The following ROBO2 variants were observed in gnomAD, a reference collection of about 807,000 sequenced individuals.
ROBO2 encodes roundabout guidance receptor 2.
ROBO2 carries 53 observed loss-of-function variants against 160.8 expected under a neutral mutation model. The ratio of observed to expected loss-of-function variants is 0.33; its 90% CI spans 0.26 to 0.41. The LOEUF is 0.41. Ranked by LOEUF, ROBO2 falls within the 10% of genes least tolerant of loss-of-function variation. The pLI is 1.00. For missense variants in ROBO2, 1,577 were observed against 1,722.4 expected, an observed-to-expected ratio of 0.92 and a Z score of 1.49; for synonymous variants, 664 against 611.7, an observed-to-expected ratio of 1.09 and a Z score of -1.26.
intron 2 of ROBO2, among the ~76,000 whole-genome samples, chr3:76,898,841 A>G (rs895144493): frequency 1.3e-5 from 2 of 152,164 alleles, no homozygotes; most frequent in Non-Finnish European, 1.5e-5. Flanking sequence ...TTAAAAATAT[A>G]TGTTCTATTA....
chr3:76,855,747 T>C (rs1265396104), intron 2 of ROBO2, among the ~76,000 whole-genome samples: 1 of 152,202 alleles, frequency 6.6e-6, no homozygotes, highest in African/African-American at 2.4e-5. Flanking sequence ...GAATAAGAAA[T>C]GCTTTGTTTC....
chr3:77,517,386 A>T (rs2090135713), intron 5 of ROBO2, among the ~76,000 whole-genome samples: 1 of 151,554 alleles, frequency 6.6e-6, no homozygotes, highest in African/African-American at 2.4e-5. Flanking sequence ...TGACTGGAAA[A>T]TAGTGAACAT....
chr3:77,591,628 G>A (rs1257919813), intron 17 of ROBO2, among the ~76,000 whole-genome samples: 1 of 152,152 alleles, frequency 6.6e-6, no homozygotes, highest in East Asian at 1.9e-4. Context: ...GTTAGTGTAA[G>A]CTAAAATATT....
intron 2 of ROBO2, among the ~76,000 whole-genome samples, chr3:76,511,126 A>G (rs1027247972): frequency 4.6e-5 from 7 of 152,200 alleles, no homozygotes; most frequent in African/African-American, 1.4e-4. Flanking sequence ...CCCCCGAAAG[A>G]CACTGAATGC....
chr3:76,322,208 T>TATATATATATATAC (rs1262581750), intron 2 of ROBO2, among the ~76,000 whole-genome samples: 2 of 128,250 alleles, frequency 1.6e-5, no homozygotes, highest in African/African-American at 3.1e-5. Context: ...ATATATAATA[T>TATATATATATATAC]ACACACACAT....
intron 2 of ROBO2, among the ~76,000 whole-genome samples, chr3:77,256,446 CATT>C (rs2058420780): frequency 6.6e-6 from 1 of 152,096 alleles, no homozygotes; most frequent in East Asian, 1.9e-4. Context: ...ACATTAACAT[CATT>C]AAGAATAAAT....
intron 2 of ROBO2, among the ~76,000 whole-genome samples, chr3:77,369,277 A>C (rs1308196557): frequency 6.6e-6 from 1 of 152,120 alleles, no homozygotes; most frequent in African/African-American, 2.4e-5. Flanking sequence ...AATTTAATGA[A>C]GTCCTCACTC....
rs756719123 is a variant in ROBO2, at chr3:76,135,235, T to C, written c.109+197633T>C. 7.6e-4 allele frequency among the ~76,000 whole-genome samples: 116 copies of C among 152,086 alleles called. 1 individual carries two copies. Among genetic ancestry groups the C allele is most frequent in the Middle Eastern group, 3.4e-3 (1 of 294 alleles). On this transcript the variant is annotated intron_variant, in intron 2 of 26. Coordinates refer to the ROBO2 transcript ENST00000487694. ...AGGGGAATCTGATCCAGCTTTGTGC[T>C]CCCTGAGCACAAAGAAGATGTGAAA...
chr3:76,453,924 A>C (rs1242516379), intron 2 of ROBO2, among the ~76,000 whole-genome samples: 1 of 152,118 alleles, frequency 6.6e-6, no homozygotes, highest in Non-Finnish European at 1.5e-5. Flanking sequence ...CTAAAGAAAT[A>C]AGGACATTCA....
At chr3:76,328,819 A>C (rs1260436502) in intron 2 of ROBO2, among the ~76,000 whole-genome samples, 1 of 151,672 alleles carries the variant, frequency 6.6e-6, no homozygotes, top group Admixed American at 6.6e-5. Context: ...AGATCGCGCC[A>C]CCGCACTCCA....
At chr3:76,812,190 G>A (rs1055610233) in intron 2 of ROBO2, among the ~76,000 whole-genome samples, 1 of 151,538 alleles carries the variant, frequency 6.6e-6, no homozygotes, top group Non-Finnish European at 1.5e-5. Context: ...TTTAGTAAGG[G>A]AGCTGGATAC....
chr3:76,501,345 T>C (rs1187531613), intron 2 of ROBO2, among the ~76,000 whole-genome samples: 1 of 152,196 alleles, frequency 6.6e-6, no homozygotes, highest in Non-Finnish European at 1.5e-5. Context: ...CCAGTAATGA[T>C]AAATTTCAGC....
intron 2 of ROBO2, among the ~76,000 whole-genome samples, chr3:76,185,719 C>T (rs1701731086): frequency 6.6e-6 from 1 of 151,994 alleles, no homozygotes; most frequent in Non-Finnish European, 1.5e-5. Flanking sequence ...CCATAATTAG[C>T]ATAATTGTGA....
At chr3:76,846,536 C>G (rs1274290699) in intron 2 of ROBO2, among the ~76,000 whole-genome samples, 1 of 152,002 alleles carries the variant, frequency 6.6e-6, no homozygotes, top group South Asian at 2.1e-4. Flanking sequence ...TTTGAAGAAT[C>G]AATACTTCAA....
intron 2 of ROBO2, among the ~76,000 whole-genome samples, chr3:76,565,403 G>A (rs1271337483): frequency 2.6e-5 from 4 of 152,138 alleles, no homozygotes; most frequent in Admixed American, 1.3e-4. Context: ...ATCTTGAACA[G>A]TTTCATAAAC....
chr3:76,576,701 C>CTTTTTTTT (rs56404865), intron 2 of ROBO2, among the ~76,000 whole-genome samples: 15 of 62,410 alleles, frequency 2.4e-4, no homozygotes, highest in South Asian at 6.4e-4. Context: ...CATTTTCTTT[C>CTTTTTTTT]TTTTTTTTTT....
chr3:76,924,516 G>A (rs1056781055), intron 2 of ROBO2, among the ~76,000 whole-genome samples: 5 of 152,126 alleles, frequency 3.3e-5, no homozygotes, highest in East Asian at 1.9e-4. Context: ...AACATTTACT[G>A]TCTGTAAGCT....
At chr3:77,353,315 G>A (rs1322890484) in intron 2 of ROBO2, among the ~76,000 whole-genome samples, 2 of 152,034 alleles carry the variant, frequency 1.3e-5, no homozygotes, top group Admixed American at 6.6e-5. Flanking sequence ...CTTCTAAAAA[G>A]GTGAATTATA....
chr3:77,083,746 A>G (rs149002714), intron 1 of ROBO2, among the ~76,000 whole-genome samples: 122 of 152,236 alleles, frequency 8.0e-4, no homozygotes, highest in Non-Finnish European at 1.5e-3. Context: ...GATTCTGAGC[A>G]TTAGGGACCT....
Sources: gnomAD v4.1 joint callset for allele counts (sites outside exome capture counted in the v4.1 genomes callset) on GRCh38, gnomAD v4.1.1 for gene constraint, MANE v1.5 for transcripts, NCBI Gene and HGNC (gene_info 2026-07-23, HGNC 2026-07-21) for gene names.